PACRG: variants seen among roughly 807,000 people sequenced by gnomAD.
The protein encoded by PACRG is parkin coregulated.
PACRG carries 29 observed loss-of-function variants against 29.7 expected under a neutral mutation model. The observed-to-expected ratio is 0.98, with a 90% confidence interval of 0.73 to 1.33. The LOEUF is 1.33. PACRG is among the 40% of genes most tolerant of loss of function. The pLI, the probability that PACRG is intolerant of heterozygous loss-of-function variation, is 0.00. For synonymous variants in PACRG, 116 were observed against 118.7 expected (o/e 0.98, Z 0.15); for missense variants, 279 against 316.2 (o/e 0.88, Z 0.89).
chr6:163,090,783 G>C (rs1814035280), intron 4 of PACRG, among the ~76,000 whole-genome samples: 1 of 152,182 alleles, frequency 6.6e-6, no homozygotes, highest in Non-Finnish European at 1.5e-5. Flanking sequence ...TAGAGATAAA[G>C]ATGTTCTGCT....
intron 4 of PACRG, among the ~76,000 whole-genome samples, chr6:163,195,722 G>T (rs79188778): frequency 0.013 from 1,949 of 152,282 alleles, 35 homozygotes; most frequent in East Asian, 0.072. Context: ...TCCCTGCCCT[G>T]CCGGGAAATG....
chr6:162,968,620 G>A (rs1174557872), intron 2 of PACRG, among the ~76,000 whole-genome samples: 1 of 152,182 alleles, frequency 6.6e-6, no homozygotes, highest in African/African-American at 2.4e-5. Flanking sequence ...CGTGACAGAA[G>A]CCTAGTAATG....
At chr6:162,960,911 T>C (rs538320340) in intron 2 of PACRG, among the ~76,000 whole-genome samples, 1 of 152,358 alleles carries the variant, frequency 6.6e-6, no homozygotes, top group African/African-American at 2.4e-5. Flanking sequence ...CAGGAAAACA[T>C]TTTCTCTTTC....
chr6:162,816,305 A>T (rs1010395823), intron 2 of PACRG, among the ~76,000 whole-genome samples: 2 of 152,148 alleles, frequency 1.3e-5, no homozygotes, highest in Non-Finnish European at 2.9e-5. Flanking sequence ...CTACATTTTA[A>T]TTGCATTACT....
chr6:162,990,222 A>G (rs1354206143), intron 2 of PACRG, among the ~76,000 whole-genome samples: 1 of 151,052 alleles, frequency 6.6e-6, no homozygotes, highest in Non-Finnish European at 1.5e-5. Flanking sequence ...TCTTTATAGC[A>G]GCATGATTTA....
rs1276947741 is a variant in PACRG at position 163,067,003 on chromosome 6, T to C, written c.463+4682T>C. ...TCATATTTGAGAAAGAATCAGCTGC[T>C]ACTCATCGTTTTCACCCCGGAAGGA... On this transcript the variant is annotated intron_variant, in intron 3 of 4. Transcript: ENST00000366888. 2.0e-5 allele frequency among the ~76,000 whole-genome samples: 3 copies of C among 152,316 alleles called. No individual in the cohort carries two copies. In the South Asian group the frequency reaches 6.2e-4, roughly 32 times the overall value.
At chr6:163,144,071 A>G (rs1171095151) in intron 4 of PACRG, among the ~76,000 whole-genome samples, 1 of 151,922 alleles carries the variant, frequency 6.6e-6, no homozygotes, top group Admixed American at 6.6e-5. Context: ...TCTACTAAAA[A>G]TACAAAAATT....
intron 1 of PACRG, among the ~76,000 whole-genome samples, chr6:162,779,625 T>C (rs187811662): frequency 1.3e-5 from 2 of 152,322 alleles, no homozygotes; most frequent in East Asian, 3.9e-4. Context: ...AGATGAGTCT[T>C]GGAGCTTGGA....
At chr6:162,824,695 C>T (rs1311660271) in intron 2 of PACRG, among the ~76,000 whole-genome samples, 1 of 152,164 alleles carries the variant, frequency 6.6e-6, no homozygotes, top group East Asian at 1.9e-4. Flanking sequence ...AGTGACTTGT[C>T]TATTCATAAA....
intron 2 of PACRG, among the ~76,000 whole-genome samples, chr6:162,990,247 T>C (rs1460905641): frequency 6.6e-6 from 1 of 151,346 alleles, no homozygotes; most frequent in Non-Finnish European, 1.5e-5. Context: ...CATTTGGGTA[T>C]ATACCCAGTA....
intron 2 of PACRG, among the ~76,000 whole-genome samples, chr6:162,964,491 G>A (rs1452278278): frequency 6.6e-6 from 1 of 152,166 alleles, no homozygotes; most frequent in Non-Finnish European, 1.5e-5. Flanking sequence ...GAAGTCCTGA[G>A]GGGCAGCATT....
intron 1 of PACRG, among the ~76,000 whole-genome samples, chr6:162,812,348 A>G (rs1786945600): frequency 6.6e-6 from 1 of 152,168 alleles, no homozygotes; most frequent in African/African-American, 2.4e-5. Flanking sequence ...TTTGCTGACC[A>G]GTAATCAGTG....
chr6:163,296,255 T>G (rs1310125562), intron 4 of PACRG, among the ~76,000 whole-genome samples: 1 of 152,144 alleles, frequency 6.6e-6, no homozygotes. Flanking sequence ...TAACAGGACT[T>G]AAAGGAATTT....
At chr6:163,304,443 C>T (rs1585415047) in intron 4 of PACRG, among the ~76,000 whole-genome samples, 1 of 152,206 alleles carries the variant, frequency 6.6e-6, no homozygotes, top group African/African-American at 2.4e-5. Flanking sequence ...TTGATGCCCA[C>T]GATGAGGTTT....
intron 2 of PACRG, among the ~76,000 whole-genome samples, chr6:162,939,138 G>A (rs1437262940): frequency 6.6e-6 from 1 of 152,102 alleles, no homozygotes; most frequent in Non-Finnish European, 1.5e-5. Flanking sequence ...CTTCAAAAAA[G>A]CAAACAAAAG....
intron 3 of PACRG, among the ~76,000 whole-genome samples, chr6:163,072,760 A>G (rs1284007184): frequency 6.6e-6 from 1 of 152,186 alleles, no homozygotes; most frequent in Non-Finnish European, 1.5e-5. Context: ...TTCGTAAAGT[A>G]GCAGGATACG....
chr6:162,792,270 A>G (rs913639779), intron 1 of PACRG, among the ~76,000 whole-genome samples: 3 of 152,104 alleles, frequency 2.0e-5, no homozygotes, highest in Non-Finnish European at 4.4e-5. Context: ...GTACCGACTG[A>G]CCATGACTTT....
intron 2 of PACRG, among the ~76,000 whole-genome samples, chr6:162,913,095 A>G (rs1418713361): frequency 2.6e-5 from 4 of 152,180 alleles, no homozygotes; most frequent in African/African-American, 9.7e-5. Context: ...TTGTGTGTTC[A>G]CATTATGATT....
chr6:163,230,299 A>G (rs1781972235), intron 4 of PACRG, among the ~76,000 whole-genome samples: 1 of 152,264 alleles, frequency 6.6e-6, no homozygotes, highest in Non-Finnish European at 1.5e-5. Context: ...TATGCCCCTT[A>G]GAATACCAGT....
Sources: gnomAD v4.1 joint callset for allele counts (sites outside exome capture counted in the v4.1 genomes callset) on GRCh38, gnomAD v4.1.1 for gene constraint, MANE v1.5 for transcripts, NCBI Gene and HGNC (gene_info 2026-07-23, HGNC 2026-07-21) for gene names.